FUT8: variants seen among roughly 807,000 people sequenced by gnomAD.
FUT8 encodes the protein fucosyltransferase 8, also known as alpha-(1,6)-fucosyltransferase.
Under a neutral mutation model 71.3 loss-of-function variants are expected in FUT8, and 29 were observed. The observed-to-expected ratio is 0.41, with a 90% confidence interval of 0.30 to 0.55. FUT8 has a LOEUF of 0.55. FUT8 is among the 20% of genes least tolerant of loss of function. FUT8 has a pLI of 0.34. For missense variants in FUT8, 544 were observed against 702.1 expected (o/e 0.77, Z 2.55); for synonymous variants, 254 against 239.3 (o/e 1.06, Z -0.57).
chr14:65,644,714 A>G (rs894735418), intron 6 of FUT8, among the ~76,000 whole-genome samples: 1 of 152,178 alleles, frequency 6.6e-6, no homozygotes, highest in African/African-American at 2.4e-5. Flanking sequence ...TCCTAGGGGA[A>G]ATACAGAGTT....
intron 1 of FUT8, among the ~76,000 whole-genome samples, chr14:65,447,933 G>A (rs1183711518): frequency 2.0e-5 from 3 of 152,096 alleles, no homozygotes; most frequent in Non-Finnish European, 2.9e-5. Flanking sequence ...TGAAAGGCAC[G>A]ATAACCAGCT....
chr14:65,643,464 C>G lies in FUT8; in HGVS notation c.597+13858C>G, dbSNP rs1002570797. Among the ~76,000 whole-genome samples, 2 of 152,044 alleles carry G rather than the reference C, an allele frequency of 1.3e-5. No homozygotes were observed. Among genetic ancestry groups the G allele is most frequent in the Admixed American group, 1.3e-4 (2 of 15,264 alleles). On this transcript the variant is annotated intron_variant, in intron 6 of 10. Coordinates refer to ENST00000673929, the MANE Select transcript of FUT8 (RefSeq NM_001371533.1). This position sits in a 1 kb window ranked among gnomAD's most constrained non-coding sequence, Gnocchi z 4.5. ...GGTCAGGAGATCGAGACCATCCTGG[C>G]TAACATGGTGAAACCCTGTCTCTAC...
At chr14:65,522,535 G>T (rs1220503439) in intron 2 of FUT8, among the ~76,000 whole-genome samples, 4 of 152,024 alleles carry the variant, frequency 2.6e-5, no homozygotes, top group Non-Finnish European at 5.9e-5. Flanking sequence ...TGAGCATCAG[G>T]AGTTCATGTA....
At chr14:65,559,337 C>T (rs558002206) in intron 2 of FUT8, among the ~76,000 whole-genome samples, 6 of 152,096 alleles carry the variant, frequency 3.9e-5, no homozygotes, top group Admixed American at 3.9e-4. Flanking sequence ...AAATATTTGC[C>T]AAAAAATACC....
At chr14:65,538,226 C>T (rs1442519519) in intron 2 of FUT8, among the ~76,000 whole-genome samples, 1 of 152,174 alleles carries the variant, frequency 6.6e-6, no homozygotes, top group African/African-American at 2.4e-5. Flanking sequence ...CTCAAGTGTC[C>T]ATGGTGTTTG....
chr14:65,558,265 G>A (rs1885704381), intron 2 of FUT8, among the ~76,000 whole-genome samples: 1 of 150,582 alleles, frequency 6.6e-6, no homozygotes, highest in Non-Finnish European at 1.5e-5. Flanking sequence ...CCTGGAGGTG[G>A]AAGTTGTAGT....
At chr14:65,446,353 T>C (rs760540697) in intron 1 of FUT8, among the ~76,000 whole-genome samples, 26 of 152,318 alleles carry the variant, frequency 1.7e-4, no homozygotes, top group Non-Finnish European at 3.2e-4. Flanking sequence ...TGTGATCCCT[T>C]TGGCAAGGCA....
In FUT8 at chr14:65,436,233, C is replaced by T. The variant is rs780928783; in HGVS notation, c.-325-19388C>T. Among the ~76,000 whole-genome samples the T allele has an allele frequency of 5.3e-5, 8 of 151,652 alleles. No homozygotes were observed. In the South Asian group the frequency reaches 1.7e-3, roughly 32 times the overall value. ...CTGAGGCAGGAGAATCGCTTGAGCC[C>T]AGAAGTTTGAGATCACCCTGGGCAA... On this transcript the variant is annotated intron_variant, in intron 1 of 10. Coordinates refer to ENST00000673929, the MANE Select transcript of FUT8 (RefSeq NM_001371533.1).
intron 2 of FUT8, among the ~76,000 whole-genome samples, chr14:65,495,391 A>G (rs73284148): frequency 3.5e-4 from 54 of 152,244 alleles, no homozygotes; most frequent in African/African-American, 1.3e-3. Flanking sequence ...CTTGGGCAGG[A>G]GCACTCTGGT....
rs138939845 is a variant in FUT8 at position 65,511,596 on chromosome 14, G to A, written c.-227-49741G>A. 1.2e-3 allele frequency among the ~76,000 whole-genome samples: 189 copies of A among 152,176 alleles called. No individual in the cohort carries two copies. The East Asian group carries it at 0.025, about 20-fold the overall frequency. ...CACTGTTGGGTGCATATATATTAAA[G>A]TACTTTTTTATATCCTCTTGCTGAA... On this transcript the variant is annotated intron_variant, in intron 2 of 10. Coordinates refer to ENST00000673929, the MANE Select transcript of FUT8 (RefSeq NM_001371533.1).
At chr14:65,601,398 A>C (rs1888281269) in intron 3 of FUT8, among the ~76,000 whole-genome samples, 1 of 152,196 alleles carries the variant, frequency 6.6e-6, no homozygotes. Context: ...AATTCCAACC[A>C]AAACAAACAA....
chr14:65,646,278 G>A (rs2140309910), intron 6 of FUT8, among the ~76,000 whole-genome samples: 1 of 152,226 alleles, frequency 6.6e-6, no homozygotes, highest in South Asian at 2.1e-4. Flanking sequence ...CCCAAGATAG[G>A]AGATTACTTG....
intron 3 of FUT8, among the ~76,000 whole-genome samples, chr14:65,564,828 A>T (rs530842660): frequency 6.6e-6 from 1 of 151,986 alleles, no homozygotes; most frequent in Admixed American, 6.6e-5. Context: ...TTTGAGTTTC[A>T]TCAATACTAT....
In FUT8 at chr14:65,743,376, C is replaced by T. The variant is rs1411119688; in HGVS notation, c.*966C>T. Reference sequence around the variant, plus strand: ...AATTGCTAAGAACACTGTTTGGGAGCTTTCATTCTCATATTTTGGACATTG... The same window carrying T: ...AATTGCTAAGAACACTGTTTGGGAGTTTTCATTCTCATATTTTGGACATTG... On this transcript the variant is annotated 3_prime_UTR_variant, in exon 11 of 11. Transcript: ENST00000673929. 1 of 151,848 alleles carries T rather than the reference C, an allele frequency of 6.6e-6. No individual in the cohort carries two copies. Among genetic ancestry groups the T allele is most frequent in the East Asian group, 1.9e-4 (1 of 5,150 alleles). The allele number at this position is 151,848 out of a possible 1,614,324, so 9.4% of individuals were successfully genotyped here.
chr14:65,683,386 C>T (rs1893131360), intron 7 of FUT8, among the ~76,000 whole-genome samples: 1 of 152,036 alleles, frequency 6.6e-6, no homozygotes, highest in African/African-American at 2.4e-5. Flanking sequence ...AAAAATGAAA[C>T]CATGCTTTTG....
At chr14:65,397,895 T>C in the FUT8 span, among the ~76,000 whole-genome samples, 1 of 152,260 alleles carries the variant, frequency 6.6e-6, no homozygotes, top group Non-Finnish European at 1.5e-5. The surrounding 1 kb of genome is among the most constrained non-coding windows in gnomAD (Gnocchi z 4.2). Context: ...AACTCTTGTT[T>C]ATATCAATTA....
intron 7 of FUT8, among the ~76,000 whole-genome samples, chr14:65,706,261 C>T (rs1422299776): frequency 6.6e-6 from 1 of 152,130 alleles, no homozygotes; most frequent in Non-Finnish European, 1.5e-5. Flanking sequence ...AGGATTTGGA[C>T]ACCAGTTTTT....
chr14:65,449,799 C>T (rs185315161), intron 1 of FUT8, among the ~76,000 whole-genome samples: 3 of 152,316 alleles, frequency 2.0e-5, no homozygotes. Flanking sequence ...GAAGCATCTC[C>T]CTGTTTGAAG....
chr14:65,502,320 G>A (rs1410427018), intron 2 of FUT8, among the ~76,000 whole-genome samples: 2 of 151,778 alleles, frequency 1.3e-5, no homozygotes, highest in African/African-American at 4.8e-5. Flanking sequence ...CACCCCCCAG[G>A]TTCAAGTGAT....
Sources: allele counts gnomAD v4.1 joint callset (sites outside exome capture counted in the v4.1 genomes callset), GRCh38; gene constraint gnomAD v4.1.1; non-coding constraint Gnocchi (gnomAD v3.1); transcripts MANE v1.5; gene names NCBI Gene and HGNC (gene_info 2026-07-23, HGNC 2026-07-21).